Variants in FRMPD1 observed in about 807,000 individuals in gnomAD.
The protein encoded by FRMPD1 is FERM and PDZ domain-containing protein 1.
In FRMPD1, 76 loss-of-function variants were observed where a neutral mutation model predicts 117.8. The observed-to-expected ratio is 0.65, with a 90% CI of 0.54 to 0.78. FRMPD1 has a LOEUF of 0.78. FRMPD1 is among the 30% of genes least tolerant of loss of function. FRMPD1 has a pLI of 0.00. For missense variants in FRMPD1, 1,786 were observed against 1,964.5 expected (o/e 0.91, Z 1.72); for synonymous variants, 783 against 770.4 (o/e 1.02, Z -0.27).
At chr9:37,721,229 C>A (rs1431177843) in intron 6 of FRMPD1, among the ~76,000 whole-genome samples, 1 of 152,182 alleles carries the variant, frequency 6.6e-6, no homozygotes, top group Non-Finnish European at 1.5e-5. Flanking sequence ...TCTGCATCAG[C>A]CACATAAGGC....
the FRMPD1 span, among the ~76,000 whole-genome samples, chr9:37,622,953 G>A: frequency 2.6e-5 from 4 of 152,020 alleles, no homozygotes; most frequent in Non-Finnish European, 2.9e-5. Context: ...TATGTATGTG[G>A]TAATACTTTC....
chr9:37,603,375 A>T, the FRMPD1 span, among the ~76,000 whole-genome samples: 1 of 152,190 alleles, frequency 6.6e-6, no homozygotes, highest in Non-Finnish European at 1.5e-5. Flanking sequence ...CAACTGAACC[A>T]TTGGTTTGGG....
At chr9:37,607,547 A>C in the FRMPD1 span, among the ~76,000 whole-genome samples, 1 of 152,194 alleles carries the variant, frequency 6.6e-6, no homozygotes, top group Non-Finnish European at 1.5e-5. Flanking sequence ...CCATTGCTAA[A>C]TTCATCAAAC....
intron 2 of FRMPD1, among the ~76,000 whole-genome samples, chr9:37,702,141 A>G (rs1198550261): frequency 1.3e-5 from 2 of 152,230 alleles, no homozygotes; most frequent in African/African-American, 2.4e-5. Context: ...ACAAAGTTTC[A>G]TCTCTGTTAC....
chr9:37,667,691 G>GAAA (rs3075983), intron 1 of FRMPD1, among the ~76,000 whole-genome samples: 13,947 of 144,686 alleles, frequency 0.096, 1,120 homozygotes, highest in East Asian at 0.36. Flanking sequence ...CTCAAAAAAA[G>GAAA]AAAAAAAAAA....
rs1253943291 is a variant in FRMPD1, at chr9:37,740,521, G to C, written c.1993G>C (p.Ala665Pro). The change falls in exon 15 of 16, where the codon GCC becomes CCC. Residue 665 changes from alanine to proline, a missense_variant. Coordinates refer to ENST00000377765, the MANE Select transcript of FRMPD1 (RefSeq NM_014907.3). The surrounding 1 kb of genome is among the most constrained non-coding windows in gnomAD (Gnocchi z 4.2). ...FLCLLDLAQR[A>P]NPQCQKTEFS... Reference sequence around the variant, plus strand: ...CTGTCTCCTGGACCTGGCCCAGAGAGCCAACCCCCAGTGCCAGAAGACAGA... The same window carrying C: ...CTGTCTCCTGGACCTGGCCCAGAGACCCAACCCCCAGTGCCAGAAGACAGA... The C allele has an allele frequency of 6.2e-7, 1 of 1,614,226 alleles. No homozygotes were observed. Among genetic ancestry groups the C allele is most frequent in the Non-Finnish European group, 8.5e-7 (1 of 1,180,034 alleles).
At chr9:37,659,934 A>G (rs969126407) in intron 1 of FRMPD1, among the ~76,000 whole-genome samples, 1 of 138,032 alleles carries the variant, frequency 7.2e-6, no homozygotes, top group Non-Finnish European at 1.5e-5. Context: ...AAAAAAAAAA[A>G]CAAAACTGAG....
chr9:37,689,018 G>T (rs1822044897), intron 1 of FRMPD1, among the ~76,000 whole-genome samples: 1 of 152,040 alleles, frequency 6.6e-6, no homozygotes, highest in African/African-American at 2.4e-5. Flanking sequence ...AGCATTTCCT[G>T]CCCCACTCCT....
intron 5 of FRMPD1, among the ~76,000 whole-genome samples, chr9:37,716,528 T>C (rs1475320624): frequency 6.6e-6 from 1 of 152,226 alleles, no homozygotes; most frequent in Non-Finnish European, 1.5e-5. Context: ...CAGTTGATTT[T>C]CTTGAGCATG....
chr9:37,737,061 CT>C (rs763667848), intron 13 of FRMPD1, 34 bp from the exon 14 acceptor site: 19 of 1,581,780 alleles, frequency 1.2e-5, no homozygotes, highest in Non-Finnish European at 1.6e-5. Context: ...TCCCTTGGTC[CT>C]TGATAAACAT....
chr9:37,703,207 T>C (rs898956318), intron 2 of FRMPD1, among the ~76,000 whole-genome samples: 3 of 152,226 alleles, frequency 2.0e-5, no homozygotes, highest in African/African-American at 7.2e-5. Context: ...AATGATTTCC[T>C]AGAGAGATTG....
chr9:37,701,208 A>G (rs1040895005), intron 2 of FRMPD1, among the ~76,000 whole-genome samples: 7 of 152,202 alleles, frequency 4.6e-5, no homozygotes, highest in Admixed American at 4.6e-4. Flanking sequence ...GAAAAGCATC[A>G]AAATGGATTC....
chr9:37,681,212 C>CAA (rs72098221), intron 1 of FRMPD1, among the ~76,000 whole-genome samples: 994 of 85,592 alleles, frequency 0.012, 20 homozygotes, highest in African/African-American at 0.038. Flanking sequence ...GACTCTGTCT[C>CAA]AAAAAAAAAA....
At chr9:37,685,598 G>A (rs1400937461) in intron 1 of FRMPD1, among the ~76,000 whole-genome samples, 4 of 152,032 alleles carry the variant, frequency 2.6e-5, no homozygotes, top group Non-Finnish European at 4.4e-5. Flanking sequence ...ATTGCGGTGA[G>A]CCGAGATCTT....
chr9:37,695,279 A>G (rs1347825832), intron 2 of FRMPD1, among the ~76,000 whole-genome samples: 1 of 152,204 alleles, frequency 6.6e-6, no homozygotes, highest in Non-Finnish European at 1.5e-5. Context: ...CACCAGCAGT[A>G]TGTGAGAGTT....
intron 1 of FRMPD1, among the ~76,000 whole-genome samples, chr9:37,660,692 C>A (rs1820975735): frequency 6.6e-6 from 1 of 152,124 alleles, no homozygotes; most frequent in Non-Finnish European, 1.5e-5. Flanking sequence ...ATATCTTTTC[C>A]AGACTTTGGG....
Position 37,744,773 on chromosome 9 carries a change from C to G in FRMPD1, c.2741C>G (p.Thr914Arg). The G allele has an allele frequency of 6.2e-7, 1 of 1,614,140 alleles. No homozygotes were observed. Among genetic ancestry groups the G allele is most frequent in the East Asian group, 2.2e-5 (1 of 44,880 alleles). The change falls in exon 16 of 16, where the codon ACA becomes AGA. Residue 914 changes from threonine to arginine, a missense_variant. Thr to Arg is a moderately conservative substitution (Grantham distance 71). Transcript: ENST00000377765. The stretch of plus-strand genomic sequence containing the variant: ...GCTCCTCTGAGGGAGACCAAGAGCA[C>G]AAACCCAGCCTCCAGGGTCATGGAG... ...LLAPLRETKS[T>R]NPASRVMEME... is the part of the protein sequence containing the mutation.
At chr9:37,708,992 G>A (rs945075815) in intron 4 of FRMPD1, among the ~76,000 whole-genome samples, 14 of 152,196 alleles carry the variant, frequency 9.2e-5, no homozygotes, top group African/African-American at 3.4e-4. Flanking sequence ...CTTCTGTCTG[G>A]TGTCATTGTG....
chr9:37,628,484 G>C, the FRMPD1 span, among the ~76,000 whole-genome samples: 2 of 152,194 alleles, frequency 1.3e-5, no homozygotes, highest in African/African-American at 2.4e-5. Flanking sequence ...GGAAAGAGAA[G>C]TCAAGTTTTA....
Sources: gnomAD v4.1 joint callset for allele counts (sites outside exome capture counted in the v4.1 genomes callset) on GRCh38, gnomAD v4.1.1 for gene constraint, Gnocchi (gnomAD v3.1) non-coding constraint, MANE v1.5 for transcripts, NCBI Gene and HGNC (gene_info 2026-07-23, HGNC 2026-07-21) for gene names.